The following ARHGEF9 variants were observed in gnomAD, a reference collection of about 807,000 sequenced individuals.
ARHGEF9 encodes the protein rho guanine nucleotide exchange factor 9.
In ARHGEF9, 2 loss-of-function variants were observed where a neutral mutation model predicts 41.3. The ratio of observed to expected loss-of-function variants is 0.05; its 90% CI spans 0.02 to 0.15. The LOEUF is 0.15. Ranked by LOEUF, ARHGEF9 falls within the 10% of genes least tolerant of loss-of-function variation. The pLI is 1.00. For missense variants in ARHGEF9, 225 were observed against 424.7 expected, an observed-to-expected ratio of 0.53 and a Z score of 4.13; for synonymous variants, 160 against 154.4, an observed-to-expected ratio of 1.04 and a Z score of -0.27.
At chrX:63,669,829 G>C (rs1382454833) in intron 6 of ARHGEF9, among the ~76,000 whole-genome samples, 1 of 111,816 alleles carries the variant, frequency 8.9e-6, no homozygotes, top group Non-Finnish European at 1.9e-5. Context: ...ATGTTTGTTT[G>C]TTGCCTCTTT....
intron 1 of ARHGEF9, 64 bp downstream of exon 1, chrX:63,785,052 A>G: frequency 8.8e-7 from 1 of 1,140,279 alleles, no homozygotes; most frequent in Middle Eastern, 2.4e-4. Context: ...CGTTGGAGGA[A>G]CTGGAGGTGG....
intron 3 of ARHGEF9, chrX:63,703,188 T>C (rs1365354544): frequency 8.9e-6 from 1 of 112,212 alleles, no homozygotes; most frequent in Admixed American, 9.5e-5. Context: ...CCAATAATTG[T>C]TGAAAAATAA....
In ARHGEF9 at chrX:63,643,988, T is replaced by C. The variant is rs781940372; in HGVS notation, c.1382A>G (p.Lys461Arg). ...QAAMTVRKVP[K>R]QKGVNSARSV... Reference sequence around the variant, plus strand: ...GAGTGGGGCAGCTTTACCTTTTTGCTTAGGGACTTTTCTCACAGTCATTGC... The same window carrying C: ...GAGTGGGGCAGCTTTACCTTTTTGCCTAGGGACTTTTCTCACAGTCATTGC... Residue 461 changes from lysine to arginine, a missense_variant, in exon 9 of 10, where the codon AAG becomes AGG. Transcript: ENST00000671741. 8.3e-7 allele frequency: 1 copy of C among 1,210,813 alleles called. No homozygotes were observed. Among genetic ancestry groups the C allele is most frequent in the Non-Finnish European group, 1.1e-6 (1 of 895,022 alleles).
At chrX:63,706,117 C>G in intron 3 of ARHGEF9, 141 bp downstream of exon 3, 1 of 608,532 alleles carries the variant, frequency 1.6e-6, no homozygotes, top group Admixed American at 3.0e-5. Context: ...CCTCACTGAC[C>G]CTAAGGAAGC....
At chrX:63,668,375 C>T (rs1386030099) in intron 6 of ARHGEF9, among the ~76,000 whole-genome samples, 8 of 111,186 alleles carry the variant, frequency 7.2e-5, no homozygotes, top group Admixed American at 1.9e-4. Context: ...TGACCTCAAG[C>T]GATCCACCGA....
At chrX:63,659,885 T>C (rs1451905999) in intron 7 of ARHGEF9, among the ~76,000 whole-genome samples, 1 of 111,854 alleles carries the variant, frequency 8.9e-6, no homozygotes, top group Non-Finnish European at 1.9e-5. Context: ...TGAGGAACTA[T>C]AGACATAGAG....
rs781952701 is a variant in ARHGEF9 at position 63,638,149 on chromosome X, T to C, written c.1451A>G (p.His484Arg). 9.1e-6 allele frequency: 11 copies of C among 1,202,729 alleles called. No homozygotes were observed. The highest frequency in any genetic ancestry group is 1.2e-5 in the Non-Finnish European group (11 of 891,128). The change falls in exon 10 of 10, where the codon CAC becomes CGC. Residue 484 changes from histidine to arginine, a missense_variant. This residue lies in a region of ARHGEF9 where 75 missense variants were observed against 113.2 expected (regional missense o/e 0.66). Transcript: ENST00000671741. ...SYPPPQDPLN[H>R]GQYLVPDGIA... ...GCCGTCGGGGACCAGGTACTGGCCG[T>C]GGTTTAACGGGTCCTGCGGTGGTGG...
At chrX:63,682,964 T>C (rs1220419315) in intron 4 of ARHGEF9, among the ~76,000 whole-genome samples, 2 of 111,154 alleles carry the variant, frequency 1.8e-5, no homozygotes, top group Admixed American at 1.9e-4. Flanking sequence ...TTATTCAAAA[T>C]AGTACTAGAA....
rs1461610909 is a variant in ARHGEF9, at chrX:63,737,777, G to A, written c.31-13066C>T. Among the ~76,000 whole-genome samples, 15 of 111,965 alleles carry A rather than the reference G, an allele frequency of 1.3e-4. 1 individual carries two copies. The Middle Eastern group carries it at 0.014, about 104-fold the overall frequency. On this transcript the variant is annotated intron_variant, in intron 1 of 9. Transcript: ENST00000671741. Reference sequence around the variant, plus strand: ...CAGAAATCCTGGGGATAAGCAGAGTGGGGATGAGTTGTTCCATTTTAAAGG... The same window carrying A: ...CAGAAATCCTGGGGATAAGCAGAGTAGGGATGAGTTGTTCCATTTTAAAGG...
chrX:63,636,612 C>T lies in ARHGEF9; in HGVS notation c.*1416G>A, dbSNP rs1160952977. 1 of 242,916 alleles carries T rather than the reference C, an allele frequency of 4.1e-6. No individual in the cohort carries two copies. The highest frequency in any genetic ancestry group is 6.3e-5 in the East Asian group (1 of 15,914). 20.0% of individuals were successfully genotyped at this position (242,916 alleles called of 1,213,427 possible). A position where few individuals can be genotyped will look rare whatever the true frequency, so the allele number is the denominator to read the frequency against. On this transcript the variant is annotated 3_prime_UTR_variant, in exon 10 of 10. Coordinates refer to ENST00000671741, the MANE Select transcript of ARHGEF9 (RefSeq NM_001353921.2). Reference sequence around the variant, plus strand: ...CTTTAACTATATCAATACCAAAAATCCTCCTGTGCTAGGATGGCAGGAGAA... The same window carrying T: ...CTTTAACTATATCAATACCAAAAATTCTCCTGTGCTAGGATGGCAGGAGAA...
At chrX:63,714,137 C>T (rs1556408674) in intron 2 of ARHGEF9, among the ~76,000 whole-genome samples, 1 of 111,952 alleles carries the variant, frequency 8.9e-6, no homozygotes, top group Non-Finnish European at 1.9e-5. Context: ...TTTCACTGCT[C>T]TTCAACACAG....
intron 7 of ARHGEF9, among the ~76,000 whole-genome samples, chrX:63,661,738 C>T (rs1300582616): frequency 3.7e-4 from 41 of 110,838 alleles, no homozygotes; most frequent in African/African-American, 1.3e-3. Flanking sequence ...CACATGCCCA[C>T]GTACTCTCTT....
intron 2 of ARHGEF9, among the ~76,000 whole-genome samples, chrX:63,715,801 T>C (rs782103938): frequency 1.9e-4 from 21 of 112,118 alleles, no homozygotes; most frequent in Admixed American, 1.4e-3. Flanking sequence ...TACAAAACAT[T>C]ATACCATCTA....
chrX:63,725,239 C>G (rs2053885766), intron 1 of ARHGEF9, among the ~76,000 whole-genome samples: 1 of 110,795 alleles, frequency 9.0e-6, no homozygotes, highest in Non-Finnish European at 1.9e-5. Context: ...ATAATGGACC[C>G]CAGTCCTGCA....
In ARHGEF9 at chrX:63,637,350, T is replaced by A. The variant is rs2047358701; in HGVS notation, c.*678A>T. 3.4e-6 allele frequency: 1 copy of A among 294,540 alleles called. No individual in the cohort carries two copies. Among genetic ancestry groups the A allele is most frequent in the African/African-American group, 2.8e-5 (1 of 36,083 alleles). 24.3% of individuals were successfully genotyped at this position (294,540 alleles called of 1,213,427 possible). A position where few individuals can be genotyped will look rare whatever the true frequency, so the allele number is the denominator to read the frequency against. ...GCAATAGGAATACTGAGCAGTTTTG[T>A]CACAGGGCACAACAGAGCATGTCCA... On this transcript the variant is annotated 3_prime_UTR_variant, in exon 10 of 10. Coordinates refer to ENST00000671741, the MANE Select transcript of ARHGEF9 (RefSeq NM_001353921.2).
At position 63,636,881 on chromosome X, in the gene ARHGEF9, G is replaced by C. The variant is rs1406433205; in HGVS notation, c.*1147C>G. 1.4e-5 allele frequency: 4 copies of C among 295,419 alleles called. No individual in the cohort carries two copies. The highest frequency in any genetic ancestry group is 9.6e-5 in the East Asian group (2 of 20,939). 24.3% of individuals were successfully genotyped at this position (295,419 alleles called of 1,213,427 possible). On this transcript the variant is annotated 3_prime_UTR_variant, in exon 10 of 10. Transcript: ENST00000671741. The stretch of plus-strand genomic sequence containing the variant: ...ATCTTGATCAGGTGGGCTCTGTCTT[G>C]AACCCCTCCATACTTCTATCAATGC...
chrX:63,656,547 C>A (rs2048889667), intron 7 of ARHGEF9: 1 of 111,276 alleles, frequency 9.0e-6, no homozygotes, highest in Non-Finnish European at 1.9e-5. Flanking sequence ...AATCTGCCAC[C>A]AATCCCAAAG....
At chrX:63,671,308 A>G (rs1211684424) in intron 6 of ARHGEF9, 8 of 111,884 alleles carry the variant, frequency 7.2e-5, no homozygotes, top group African/African-American at 2.6e-4. Flanking sequence ...AACCTGTGAA[A>G]TTGGGCCACC....
chrX:63,769,077 G>A (rs2056160084), intron 1 of ARHGEF9, among the ~76,000 whole-genome samples: 1 of 111,868 alleles, frequency 8.9e-6, no homozygotes, highest in South Asian at 3.7e-4. Context: ...AAGAAGACAG[G>A]AAAATGTGGG....
Sources: allele counts gnomAD v4.1 joint callset (sites outside exome capture counted in the v4.1 genomes callset), GRCh38; gene constraint gnomAD v4.1.1; regional missense constraint gnomAD v4.1.1; transcripts MANE v1.5; gene names NCBI Gene and HGNC (gene_info 2026-07-23, HGNC 2026-07-21).